GPC6: variants seen among roughly 807,000 people sequenced by gnomAD.
GPC6 encodes the protein glypican-6.
GPC6 carries 14 observed loss-of-function variants against 55.2 expected under a neutral mutation model. That is an observed-to-expected ratio of 0.25 (90% CI 0.17 to 0.40). The LOEUF (loss-of-function observed/expected upper bound fraction) is 0.40. GPC6 is among the 10% of genes least tolerant of loss of function. The pLI is 1.00. For missense variants in GPC6, 641 were observed against 708.5 expected, an observed-to-expected ratio of 0.90 and a Z score of 1.08; for synonymous variants, 278 against 259.6, an observed-to-expected ratio of 1.07 and a Z score of -0.68.
intron 4 of GPC6, among the ~76,000 whole-genome samples, chr13:94,238,528 T>C (rs779165186): frequency 2.6e-5 from 4 of 152,146 alleles, no homozygotes; most frequent in Non-Finnish European, 5.9e-5. Context: ...AGTTACTCCA[T>C]TGGAGGGCAC....
intron 3 of GPC6, among the ~76,000 whole-genome samples, chr13:93,845,068 T>A (rs1888118862): frequency 6.6e-6 from 1 of 151,960 alleles, no homozygotes; most frequent in Admixed American, 6.6e-5. Flanking sequence ...TAGTTTGAAG[T>A]CAGGTAGCGT....
At chr13:93,856,400 G>T (rs969287126) in intron 3 of GPC6, among the ~76,000 whole-genome samples, 2 of 151,538 alleles carry the variant, frequency 1.3e-5, no homozygotes, top group African/African-American at 4.8e-5. Flanking sequence ...CCTTGTTTCA[G>T]GTGCTGTGGT....
chr13:94,203,993 A>G (rs1247624266), intron 4 of GPC6, among the ~76,000 whole-genome samples: 1 of 152,170 alleles, frequency 6.6e-6, no homozygotes, highest in African/African-American at 2.4e-5. Context: ...CAAAACTACT[A>G]TATGTTTACC....
At chr13:93,576,593 T>C (rs904916487) in intron 2 of GPC6, among the ~76,000 whole-genome samples, 2 of 152,146 alleles carry the variant, frequency 1.3e-5, no homozygotes, top group Non-Finnish European at 2.9e-5. Flanking sequence ...ATTTGCCTTT[T>C]ATTATTGATA....
intron 1 of GPC6, among the ~76,000 whole-genome samples, chr13:93,508,736 C>A (rs754695006): frequency 6.6e-6 from 1 of 152,158 alleles, no homozygotes; most frequent in African/African-American, 2.4e-5. Context: ...GGCATCAGTA[C>A]AGTCGGAGCA....
chr13:93,492,566 G>T, intron 1 of GPC6, among the ~76,000 whole-genome samples: 1 of 141,574 alleles, frequency 7.1e-6, no homozygotes, highest in African/African-American at 2.7e-5. Context: ...ATGTTGAATA[G>T]GAGTGGTGAG....
intron 2 of GPC6, among the ~76,000 whole-genome samples, chr13:93,553,394 T>A (rs1875268566): frequency 6.6e-6 from 1 of 151,840 alleles, no homozygotes. Flanking sequence ...GATGGGCAGG[T>A]AGAAGGGAAT....
Position 93,563,507 on chromosome 13 carries a change from G to A in GPC6, c.319+18086G>A, listed in dbSNP as rs137881518. Reference sequence around the variant, plus strand: ...ACAAACAAACAAAACAGCCCTGGGCGCAGAGGCAGGATCCCAGTTTAACAG... The same window carrying A: ...ACAAACAAACAAAACAGCCCTGGGCACAGAGGCAGGATCCCAGTTTAACAG... On this transcript the variant is annotated intron_variant, in intron 2 of 8. Transcript: ENST00000377047. Among the ~76,000 whole-genome samples, 454 of 152,144 alleles carry A rather than the reference G, an allele frequency of 3.0e-3. 2 individuals are homozygous for A. Among genetic ancestry groups the A allele is most frequent in the African/African-American group, 0.01 (426 of 41,506 alleles).
chr13:93,624,606 G>A (rs1429875994), intron 2 of GPC6, among the ~76,000 whole-genome samples: 1 of 152,170 alleles, frequency 6.6e-6, no homozygotes, highest in African/African-American at 2.4e-5. Context: ...CAGGTGTGTA[G>A]CACTTAGGAG....
chr13:93,965,410 CAAATAAAT>C (rs141337633), intron 3 of GPC6, among the ~76,000 whole-genome samples: 4 of 151,958 alleles, frequency 2.6e-5, no homozygotes, highest in African/African-American at 9.6e-5. Flanking sequence ...GACTCCATCT[CAAATAAAT>C]AAATAAATAA....
intron 2 of GPC6, among the ~76,000 whole-genome samples, chr13:93,792,401 C>T (rs942769274): frequency 6.6e-6 from 1 of 152,238 alleles, no homozygotes; most frequent in African/African-American, 2.4e-5. Context: ...GCCTCCGCCT[C>T]CCAGGCTCAA....
At chr13:93,423,363 T>C (rs1460072324) in intron 1 of GPC6, among the ~76,000 whole-genome samples, 1 of 152,206 alleles carries the variant, frequency 6.6e-6, no homozygotes, top group African/African-American at 2.4e-5. Context: ...TCCATGTTTA[T>C]AAAAGAAAAA....
intron 1 of GPC6, among the ~76,000 whole-genome samples, chr13:93,531,952 TATG>T (rs1423684321): frequency 6.6e-6 from 1 of 152,164 alleles, no homozygotes; most frequent in Admixed American, 6.6e-5. Flanking sequence ...TTTGCAATGA[TATG>T]ATGCTATTAA....
chr13:94,003,149 G>A (rs917271142), intron 3 of GPC6, among the ~76,000 whole-genome samples: 2 of 151,428 alleles, frequency 1.3e-5, no homozygotes, highest in Non-Finnish European at 3.0e-5. Context: ...TCTCAGGTAG[G>A]AGCGTGGCGT....
intron 4 of GPC6, among the ~76,000 whole-genome samples, chr13:94,144,525 C>G (rs1887493092): frequency 7.6e-6 from 1 of 131,360 alleles, no homozygotes; most frequent in Non-Finnish European, 1.6e-5. Flanking sequence ...AGGAAAAGAT[C>G]ATTCTTTGGG....
chr13:93,410,947 G>A (rs1250245364), intron 1 of GPC6, among the ~76,000 whole-genome samples: 7 of 152,104 alleles, frequency 4.6e-5, no homozygotes, highest in Admixed American at 6.5e-5. Flanking sequence ...ATCCAGCCCC[G>A]ACTTGCAATG....
chr13:93,888,269 T>A (rs1875461425), intron 3 of GPC6, among the ~76,000 whole-genome samples: 1 of 152,144 alleles, frequency 6.6e-6, no homozygotes, highest in South Asian at 2.1e-4. Context: ...AGCGCAAATT[T>A]ATGAAGTTTG....
At chr13:93,870,685 A>G (rs74111012) in intron 3 of GPC6, among the ~76,000 whole-genome samples, 242 of 151,886 alleles carry the variant, frequency 1.6e-3, no homozygotes, top group African/African-American at 5.8e-3. Context: ...TGGTATCTTT[A>G]TAAGAAGAGA....
At chr13:93,374,702 A>G (rs1043646736) in intron 1 of GPC6, among the ~76,000 whole-genome samples, 1 of 152,194 alleles carries the variant, frequency 6.6e-6, no homozygotes, top group African/African-American at 2.4e-5. Flanking sequence ...GTAAACAAAT[A>G]GAGAATGAGA....
Sources: gnomAD v4.1 joint callset for allele counts (sites outside exome capture counted in the v4.1 genomes callset) on GRCh38, gnomAD v4.1.1 for gene constraint, MANE v1.5 for transcripts, NCBI Gene and HGNC (gene_info 2026-07-23, HGNC 2026-07-21) for gene names.